The following APLF variants were observed in gnomAD, a reference collection of about 807,000 sequenced individuals.
The protein encoded by APLF is aprataxin and PNKP like factor, also known as aprataxin and PNK-like factor.
In APLF, 61 loss-of-function variants were observed where a neutral mutation model predicts 55.6. The observed-to-expected ratio is 1.10, with a 90% CI of 0.89 to 1.36. The LOEUF (loss-of-function observed/expected upper bound fraction) is 1.36. APLF is among the 40% of genes most tolerant of loss of function. The probability of loss-of-function intolerance (pLI) is 0.00; values close to 1 mark genes in which losing one functional copy is unlikely to be tolerated. For missense variants in APLF, 611 were observed against 602.5 expected, an observed-to-expected ratio of 1.01 and a Z score of -0.15; for synonymous variants, 207 against 214.8, an observed-to-expected ratio of 0.96 and a Z score of 0.32.
At chr2:68,519,017 A>G (rs1669796867) in intron 5 of APLF, among the ~76,000 whole-genome samples, 2 of 112,634 alleles carry the variant, frequency 1.8e-5, no homozygotes, top group Admixed American at 9.7e-5. Flanking sequence ...AATATATAAT[A>G]ATATATAATA....
At chr2:68,481,717 C>A (rs1675962972) in intron 1 of APLF, among the ~76,000 whole-genome samples, 1 of 152,034 alleles carries the variant, frequency 6.6e-6, no homozygotes, top group Admixed American at 6.6e-5. Flanking sequence ...TCCATATTTT[C>A]TTTTCCTGGA....
chr2:68,545,459 G>C, intron 8 of APLF, 147 bp downstream of exon 8: 2 of 1,031,614 alleles, frequency 1.9e-6, no homozygotes, highest in Non-Finnish European at 2.7e-6. Context: ...GTTGGTAATA[G>C]GTAGGATGAT....
chr2:68,526,058 A>G lies in APLF; in HGVS notation c.623-3A>G. 6.2e-7 allele frequency: 1 copy of G among 1,608,452 alleles called. No individual in the cohort carries two copies. The highest frequency in any genetic ancestry group is 2.2e-5 in the East Asian group (1 of 44,824). Reference sequence around the variant, plus strand: ...TTTTCTTCTTTTTCTTTATGTGTTTAAGGTAATGTAATCCAGGGAAGTGGA... The same window carrying G: ...TTTTCTTCTTTTTCTTTATGTGTTTGAGGTAATGTAATCCAGGGAAGTGGA... On this transcript the variant is annotated splice_region_variant and splice_polypyrimidine_tract_variant and intron_variant, in intron 5 of 9. Transcript: ENST00000303795.
chr2:68,471,592 C>G (rs1675618093), intron 1 of APLF, among the ~76,000 whole-genome samples: 1 of 152,178 alleles, frequency 6.6e-6, no homozygotes, highest in African/African-American at 2.4e-5. Flanking sequence ...TGATAAATGA[C>G]AACAGTTCTG....
chr2:68,471,264 C>A (rs1675608723), intron 1 of APLF, among the ~76,000 whole-genome samples: 2 of 146,554 alleles, frequency 1.4e-5, no homozygotes, highest in Non-Finnish European at 2.9e-5. Flanking sequence ...GCAGTCCTAC[C>A]AACTGCTAAA....
intron 1 of APLF, among the ~76,000 whole-genome samples, chr2:68,483,496 A>G (rs951687450): frequency 2.0e-5 from 3 of 152,156 alleles, no homozygotes; most frequent in Non-Finnish European, 2.9e-5. Flanking sequence ...CAGACAATCC[A>G]GTTGAATTGT....
intron 2 of APLF, among the ~76,000 whole-genome samples, chr2:68,500,051 G>A (rs745349087): frequency 6.6e-6 from 1 of 151,580 alleles, no homozygotes; most frequent in African/African-American, 2.4e-5. Flanking sequence ...TAATTTTTTG[G>A]TGTGTAATCT....
chr2:68,548,756 A>C (rs1363510964), intron 8 of APLF, among the ~76,000 whole-genome samples: 1 of 151,950 alleles, frequency 6.6e-6, no homozygotes, highest in African/African-American at 2.4e-5. Flanking sequence ...TTAAAAAAAA[A>C]CTTTTGTAAT....
chr2:68,527,099 G>GA, intron 6 of APLF, among the ~76,000 whole-genome samples: 1 of 146,174 alleles, frequency 6.8e-6, no homozygotes, highest in African/African-American at 2.5e-5. Context: ...GACGGTGCAG[G>GA]GGCTGGGCAG....
chr2:68,532,925 C>G (rs921209339), intron 6 of APLF, among the ~76,000 whole-genome samples: 2 of 152,090 alleles, frequency 1.3e-5, no homozygotes, highest in African/African-American at 2.4e-5. Flanking sequence ...GATAATGCTG[C>G]TATAAAAAGG....
Position 68,579,962 on chromosome 2 carries a change from C to T in APLF, c.*1940C>T. On this transcript the variant is annotated 3_prime_UTR_variant, in exon 10 of 10. Coordinates refer to ENST00000303795, the MANE Select transcript of APLF (RefSeq NM_173545.3). The stretch of plus-strand genomic sequence containing the variant: ...ACGTGAACTATATATTTCAATAAAT[C>T]TGTCACAAAAAAGTAATGCAAAGGG... 1 of 841,856 alleles carries T rather than the reference C, an allele frequency of 1.2e-6. No homozygotes were observed. The highest frequency in any genetic ancestry group is 6.0e-4 in the Middle Eastern group (1 of 1,658). 52.1% of individuals were successfully genotyped at this position (841,856 alleles called of 1,614,324 possible).
Position 68,545,292 on chromosome 2 carries a change from C to G in APLF, c.1266C>G (p.Pro422=). Residue 422 remains proline, a synonymous_variant, in exon 8 of 10, where the codon CCC becomes CCG. Coordinates refer to ENST00000303795, the MANE Select transcript of APLF (RefSeq NM_173545.3). Reference sequence around the variant, plus strand: ...AGACTGATGACCGGCCTGAATGTCCCTATGGACCATCCTGTTATAGGTATA... The same window carrying G: ...AGACTGATGACCGGCCTGAATGTCCGTATGGACCATCCTGTTATAGGTATA... ...QDETDDRPEC[P]YGPSCYRKNP... 6.2e-7 allele frequency: 1 copy of G among 1,613,632 alleles called. No individual in the cohort carries two copies. Among genetic ancestry groups the G allele is most frequent in the Non-Finnish European group, 8.5e-7 (1 of 1,179,676 alleles).
chr2:68,493,651 G>C (rs1406724514), intron 2 of APLF, among the ~76,000 whole-genome samples: 3 of 152,182 alleles, frequency 2.0e-5, no homozygotes, highest in Non-Finnish European at 4.4e-5. Context: ...AAATACCTGA[G>C]ACTGGGTAAT....
At chr2:68,566,817 T>G (rs556847464) in intron 8 of APLF, among the ~76,000 whole-genome samples, 4 of 152,278 alleles carry the variant, frequency 2.6e-5, no homozygotes, top group Admixed American at 6.6e-5. Context: ...ATGTTTTTTT[T>G]GTTTGACTTC....
intron 7 of APLF, among the ~76,000 whole-genome samples, chr2:68,540,862 A>G (rs72901981): frequency 0.086 from 13,109 of 152,162 alleles, 1,640 homozygotes; most frequent in African/African-American, 0.28. Context: ...TCTGAATACA[A>G]TCTTCAAGTG....
At chr2:68,544,877 T>C (rs1425291980) in intron 7 of APLF, among the ~76,000 whole-genome samples, 2 of 152,168 alleles carry the variant, frequency 1.3e-5, no homozygotes. Flanking sequence ...ATGATATTTA[T>C]GTTATATGCT....
chr2:68,496,268 A>T (rs1278504442), intron 2 of APLF, among the ~76,000 whole-genome samples: 1 of 151,562 alleles, frequency 6.6e-6, no homozygotes, highest in Non-Finnish European at 1.5e-5. Context: ...CGCCCGGCTA[A>T]TTTTTTTTGT....
At chr2:68,485,201 TA>T (rs1318227567) in intron 1 of APLF, among the ~76,000 whole-genome samples, 2 of 151,954 alleles carry the variant, frequency 1.3e-5, no homozygotes, top group Non-Finnish European at 2.9e-5. Context: ...TGCATTTTTT[TA>T]AAAAAAATCA....
chr2:68,503,023 T>A, intron 3 of APLF, 120 bp downstream of exon 3: 1 of 1,069,524 alleles, frequency 9.3e-7, no homozygotes, highest in Non-Finnish European at 1.4e-6. Context: ...AGGTGTGTAA[T>A]GTGTGTGTAC....
Sources: gnomAD v4.1 joint callset for allele counts (sites outside exome capture counted in the v4.1 genomes callset) on GRCh38, gnomAD v4.1.1 for gene constraint, MANE v1.5 for transcripts, NCBI Gene and HGNC (gene_info 2026-07-23, HGNC 2026-07-21) for gene names.